Variants in ATP10B observed in about 807,000 individuals in gnomAD.
The protein encoded by ATP10B is phospholipid-transporting ATPase VB.
ATP10B carries 122 observed loss-of-function variants against 141.2 expected under a neutral mutation model. The ratio of observed to expected loss-of-function variants is 0.86; its 90% CI spans 0.75 to 1.00. The LOEUF (loss-of-function observed/expected upper bound fraction) is 1.00. ATP10B is among the 50% of genes least tolerant of loss of function. The pLI is 0.00. For synonymous variants in ATP10B, 685 were observed against 692.0 expected (o/e 0.99, Z 0.16); for missense variants, 1,876 against 1,825.3 (o/e 1.03, Z -0.51).
intron 1 of ATP10B, among the ~76,000 whole-genome samples, chr5:160,849,632 C>CACACACACACACACAA (rs1419113165): frequency 6.6e-6 from 1 of 151,934 alleles, no homozygotes; most frequent in East Asian, 1.9e-4. Context: ...CACACACACA[C>CACACACACACACACAA]ACACACACAC....
At chr5:160,761,731 A>G (rs1206343000) in intron 2 of ATP10B, among the ~76,000 whole-genome samples, 1 of 152,212 alleles carries the variant, frequency 6.6e-6, no homozygotes, top group Non-Finnish European at 1.5e-5. Context: ...CCAAACCAAG[A>G]AGAAATCTCT....
intron 2 of ATP10B, among the ~76,000 whole-genome samples, chr5:160,755,838 A>AAATAT (rs1768538195): frequency 3.1e-4 from 14 of 45,418 alleles, no homozygotes; most frequent in African/African-American, 4.4e-4. Context: ...AAAAAAAAAA[A>AAATAT]ATATATATAT....
intron 2 of ATP10B, among the ~76,000 whole-genome samples, chr5:160,730,113 G>A (rs968857310): frequency 3.3e-5 from 5 of 152,104 alleles, no homozygotes; most frequent in South Asian, 2.1e-4. Context: ...TAAGCTAGCT[G>A]TTAGGCACTA....
intron 3 of ATP10B, among the ~76,000 whole-genome samples, chr5:160,699,506 A>T (rs1764558146): frequency 6.6e-6 from 1 of 152,192 alleles, no homozygotes; most frequent in South Asian, 2.1e-4. Flanking sequence ...TTACATACCA[A>T]TTAGTACACC....
intron 18 of ATP10B, among the ~76,000 whole-genome samples, chr5:160,608,574 C>T (rs1387595861): frequency 6.6e-6 from 1 of 152,178 alleles, no homozygotes; most frequent in African/African-American, 2.4e-5. Flanking sequence ...AAATTCTCCA[C>T]ATCCTCTCTA....
the ATP10B span, among the ~76,000 whole-genome samples, chr5:160,918,283 A>G: frequency 6.6e-6 from 1 of 152,214 alleles, no homozygotes; most frequent in South Asian, 2.1e-4. Context: ...GTGGCAATAA[A>G]CTATATCAAG....
At chr5:160,581,754 A>C (rs1030558785) in intron 24 of ATP10B, among the ~76,000 whole-genome samples, 1 of 152,158 alleles carries the variant, frequency 6.6e-6, no homozygotes, top group African/African-American at 2.4e-5. Flanking sequence ...TGGGGTATTA[A>C]AGCCTCCCAT....
chr5:160,690,496 A>T (rs560973975), intron 3 of ATP10B, among the ~76,000 whole-genome samples: 4 of 152,382 alleles, frequency 2.6e-5, no homozygotes, highest in Admixed American at 2.0e-4. Flanking sequence ...CAAAGAATTT[A>T]AACAAATTTC....
the ATP10B span, among the ~76,000 whole-genome samples, chr5:160,875,046 A>T: frequency 2.4e-5 from 2 of 82,462 alleles, no homozygotes; most frequent in South Asian, 4.6e-4. Flanking sequence ...CCACAAAGAT[A>T]CTCCTCGAGA....
chr5:160,801,023 TCTC>T (rs1772340677), intron 1 of ATP10B, among the ~76,000 whole-genome samples: 1 of 152,118 alleles, frequency 6.6e-6, no homozygotes, highest in South Asian at 2.1e-4. Flanking sequence ...GCCCTCAAAA[TCTC>T]CTAGAGTTAT....
chr5:160,598,877 A>C lies in ATP10B; in HGVS notation c.3457T>G (p.Phe1153Val). The part of the protein sequence containing the change: ...DYWQMIFFNL[F>V]FTSLPPLVFG... ...ACAAGAGGAGGCAAGGAGGTAAAGA[A>C]GAGATTGAAGAATATCATCTGCCAG... The change falls in exon 22 of 26, where the codon TTC becomes GTC. Residue 1153 changes from phenylalanine to valine, a missense_variant. Coordinates refer to ENST00000327245, the MANE Select transcript of ATP10B (RefSeq NM_025153.3). 1 of 1,614,160 alleles carries C rather than the reference A, an allele frequency of 6.2e-7. No homozygotes were observed.
At position 160,715,010 on chromosome 5, in the gene ATP10B, C is replaced by G. The variant is rs373149990; in HGVS notation, c.-205+1899G>C. ...GCTGCGTGCTGGGAGAACCACTGCT[C>G]TCTTCAAATCTGTCAGACAGGGACA... On this transcript the variant is annotated intron_variant, in intron 3 of 25. Transcript: ENST00000327245. Among the ~76,000 whole-genome samples, 8 of 88,700 alleles carry G rather than the reference C, an allele frequency of 9.0e-5. No individual in the cohort carries two copies. In the South Asian group the frequency reaches 3.4e-3, roughly 38 times the overall value. The allele number at this position is 88,700 out of a possible 152,430, so 58.2% of individuals were successfully genotyped here. A position where few individuals can be genotyped will look rare whatever the true frequency, so the allele number is the denominator to read the frequency against.
At chr5:160,907,847 G>A in the ATP10B span, among the ~76,000 whole-genome samples, 1 of 152,180 alleles carries the variant, frequency 6.6e-6, no homozygotes, top group Non-Finnish European at 1.5e-5. Context: ...TTGCATTTAG[G>A]TTGGTCCTTG....
chr5:160,895,714 G>C, the ATP10B span, among the ~76,000 whole-genome samples: 1 of 152,124 alleles, frequency 6.6e-6, no homozygotes, highest in African/African-American at 2.4e-5. Context: ...GACATCTACA[G>C]ACCTCTGCAC....
the ATP10B span, among the ~76,000 whole-genome samples, chr5:160,891,706 G>T: frequency 6.6e-6 from 1 of 152,304 alleles, no homozygotes; most frequent in East Asian, 1.9e-4. Context: ...CCAAAGTGCT[G>T]GGATTACAGG....
chr5:160,829,745 T>C (rs1008508233), intron 1 of ATP10B, among the ~76,000 whole-genome samples: 12 of 152,144 alleles, frequency 7.9e-5, no homozygotes, highest in Non-Finnish European at 5.9e-5. Flanking sequence ...ATTCTTCGAC[T>C]CTTAGCCTAG....
chr5:160,805,678 C>T (rs996113484), intron 1 of ATP10B, among the ~76,000 whole-genome samples: 2 of 152,112 alleles, frequency 1.3e-5, no homozygotes, highest in African/African-American at 2.4e-5. Context: ...AGCATTTACA[C>T]GGTGTGGGCA....
the ATP10B span, among the ~76,000 whole-genome samples, chr5:160,878,876 T>C: frequency 6.7e-6 from 1 of 148,556 alleles, no homozygotes; most frequent in Non-Finnish European, 1.5e-5. Flanking sequence ...CATTAAAAAG[T>C]CAGGAAACAA....
At chr5:160,803,532 C>T (rs1172166036) in intron 1 of ATP10B, among the ~76,000 whole-genome samples, 17 of 151,924 alleles carry the variant, frequency 1.1e-4, no homozygotes, top group African/African-American at 3.1e-4. Flanking sequence ...AAAAATTAGC[C>T]GGGCGTGGTG....
Sources: gnomAD v4.1 joint callset for allele counts (sites outside exome capture counted in the v4.1 genomes callset) on GRCh38, gnomAD v4.1.1 for gene constraint, MANE v1.5 for transcripts, NCBI Gene and HGNC (gene_info 2026-07-23, HGNC 2026-07-21) for gene names.